The following TULP4 variants were observed in gnomAD, a reference collection of about 807,000 sequenced individuals.
TULP4 encodes the protein TUB like protein 4.
TULP4 carries 16 observed loss-of-function variants against 129.0 expected under a neutral mutation model. That is an observed-to-expected ratio of 0.12 (90% CI 0.08 to 0.19). TULP4 has a LOEUF of 0.19. Ranked by LOEUF, TULP4 falls within the 10% of genes least tolerant of loss-of-function variation. TULP4 has a pLI of 1.00. For missense variants in TULP4, 1,842 were observed against 2,059.1 expected, an observed-to-expected ratio of 0.89 and a Z score of 2.04; for synonymous variants, 998 against 854.0, an observed-to-expected ratio of 1.17 and a Z score of -2.94.
intron 1 of TULP4, among the ~76,000 whole-genome samples, chr6:158,323,717 T>C (rs1038528205): frequency 3.9e-5 from 6 of 152,244 alleles, no homozygotes; most frequent in Non-Finnish European, 7.3e-5. Context: ...CATGGTTGAA[T>C]GTTTGTGGAT....
At chr6:158,349,576 G>A (rs184411515) in intron 1 of TULP4, among the ~76,000 whole-genome samples, 5,680 of 130,218 alleles carry the variant, frequency 0.044, 360 homozygotes, top group African/African-American at 0.068. Flanking sequence ...GGGCAGAGGC[G>A]CTCCTCACCT....
At chr6:158,424,600 A>G (rs618638) in intron 2 of TULP4, among the ~76,000 whole-genome samples, 65,691 of 151,982 alleles carry the variant, frequency 0.43, 14,657 homozygotes, top group South Asian at 0.56. Context: ...ACCTAATACA[A>G]TGTAAATGCT....
intron 1 of TULP4, among the ~76,000 whole-genome samples, chr6:158,264,357 C>T (rs1043504346): frequency 2.0e-5 from 3 of 152,272 alleles, no homozygotes; most frequent in Admixed American, 1.3e-4. Flanking sequence ...TTGAGAATTT[C>T]GGAATTTATA....
chr6:158,260,350 T>A (rs1778329069), intron 1 of TULP4, among the ~76,000 whole-genome samples: 1 of 152,096 alleles, frequency 6.6e-6, no homozygotes, highest in Admixed American at 6.6e-5. Context: ...TTGCAGGAAG[T>A]TTCTGAGGAT....
chr6:158,363,062 CAAAAAAAAAAAA>C (rs11373437), intron 1 of TULP4, among the ~76,000 whole-genome samples: 4 of 88,000 alleles, frequency 4.5e-5, no homozygotes, highest in Non-Finnish European at 8.6e-5. Flanking sequence ...GACTCCATCT[CAAAAAAAAAAAA>C]AAAAAAAAAA....
intron 1 of TULP4, among the ~76,000 whole-genome samples, chr6:158,302,585 G>C (rs1049871110): frequency 6.6e-6 from 1 of 152,174 alleles, no homozygotes; most frequent in African/African-American, 2.4e-5. Context: ...TTTCTTGAGA[G>C]AGCGGCCGCT....
At chr6:158,397,228 T>C (rs1777739174) in intron 1 of TULP4, among the ~76,000 whole-genome samples, 1 of 152,230 alleles carries the variant, frequency 6.6e-6, no homozygotes, top group Non-Finnish European at 1.5e-5. Context: ...TGCTGGAATC[T>C]GGGATGGAAG....
chr6:158,451,624 A>G (rs966857882), intron 4 of TULP4, among the ~76,000 whole-genome samples: 1 of 152,094 alleles, frequency 6.6e-6, no homozygotes, highest in Non-Finnish European at 1.5e-5. Flanking sequence ...ATTTAGCCCA[A>G]CCTTCTCTCC....
intron 1 of TULP4, among the ~76,000 whole-genome samples, chr6:158,269,719 G>A (rs1177443567): frequency 6.6e-6 from 1 of 152,200 alleles, no homozygotes; most frequent in African/African-American, 2.4e-5. Flanking sequence ...CAAAAGCAAT[G>A]TCCAACATTT....
intron 8 of TULP4, 72 bp downstream of exon 8, chr6:158,481,361 T>C: frequency 7.2e-7 from 1 of 1,380,240 alleles, no homozygotes; most frequent in Non-Finnish European, 1.0e-6. Context: ...TTACACCCCA[T>C]GCAAAGAGAA....
intron 1 of TULP4, among the ~76,000 whole-genome samples, chr6:158,346,082 A>G (rs1780302298): frequency 6.6e-6 from 1 of 152,146 alleles, no homozygotes; most frequent in Non-Finnish European, 1.5e-5. Context: ...AGGCAGTCAG[A>G]TCTTATGGTT....
intron 1 of TULP4, among the ~76,000 whole-genome samples, chr6:158,347,683 G>T (rs185632099): frequency 2.6e-5 from 4 of 152,308 alleles, no homozygotes; most frequent in Admixed American, 2.6e-4. Flanking sequence ...TTGCTCCTAG[G>T]GGCCTAGGCC....
rs1179538544 is a variant in TULP4, at chr6:158,509,722, C to A, written c.*3028C>A. On this transcript the variant is annotated 3_prime_UTR_variant, in exon 14 of 14. Coordinates refer to ENST00000367097, the MANE Select transcript of TULP4 (RefSeq NM_020245.5). ...TTTGTATGAGTTTGTACCGGAGTGA[C>A]CCCGGCAGCCACTGCCCACCTCCCC... 1 of 152,208 alleles carries A rather than the reference C, an allele frequency of 6.6e-6. No homozygotes were observed. 9.4% of individuals were successfully genotyped at this position (152,208 alleles called of 1,614,324 possible).
intron 3 of TULP4, among the ~76,000 whole-genome samples, chr6:158,439,127 C>T (rs547662889): frequency 2.6e-5 from 4 of 151,784 alleles, no homozygotes; most frequent in South Asian, 2.1e-4. Flanking sequence ...GCCAAGATCG[C>T]GCCACTGCAT....
chr6:158,499,925 G>T (rs545764374), intron 12 of TULP4, among the ~76,000 whole-genome samples: 1 of 152,274 alleles, frequency 6.6e-6, no homozygotes, highest in Admixed American at 6.5e-5. Context: ...TCCTGCATGG[G>T]TGAGCAAATC....
At chr6:158,506,464 G>C (rs974903639) in intron 13 of TULP4, 114 bp from the exon 14 acceptor site, 14 of 751,566 alleles carry the variant, frequency 1.9e-5, no homozygotes, top group Middle Eastern at 2.6e-4. Context: ...ATCTCCTGAC[G>C]TCGTGATCTG....
chr6:158,415,525 T>C (rs570219901), intron 2 of TULP4, among the ~76,000 whole-genome samples: 149 of 144,394 alleles, frequency 1.0e-3, no homozygotes, highest in African/African-American at 3.5e-3. Context: ...AATTTTTTTT[T>C]GTATTTTTTT....
chr6:158,458,677 G>GTCCTGA (rs1329062343), intron 5 of TULP4, among the ~76,000 whole-genome samples: 11 of 152,160 alleles, frequency 7.2e-5, no homozygotes, highest in Admixed American at 2.0e-4. Flanking sequence ...AAAAAGTTCT[G>GTCCTGA]TCCTGACTAT....
chr6:158,403,228 A>G (rs1583839470), intron 1 of TULP4, among the ~76,000 whole-genome samples: 1 of 152,276 alleles, frequency 6.6e-6, no homozygotes, highest in East Asian at 1.9e-4. Flanking sequence ...TGAGGACCCT[A>G]GCTCATTCCC....
Sources: gnomAD v4.1 joint callset for allele counts (sites outside exome capture counted in the v4.1 genomes callset) on GRCh38, gnomAD v4.1.1 for gene constraint, MANE v1.5 for transcripts, NCBI Gene and HGNC (gene_info 2026-07-23, HGNC 2026-07-21) for gene names.